The following DNAAF4 variants were observed in gnomAD, a reference collection of about 807,000 sequenced individuals.
DNAAF4 encodes the protein dynein assembly factor 4, axonemal.
DNAAF4 carries 43 observed loss-of-function variants against 51.8 expected under a neutral mutation model. That is an observed-to-expected ratio of 0.83 (90% CI 0.65 to 1.07). The LOEUF is 1.07. Ranked by LOEUF, DNAAF4 falls within the 50% of genes least tolerant of loss-of-function variation. The probability of loss-of-function intolerance (pLI) is 0.00; values close to 1 mark genes in which losing one functional copy is unlikely to be tolerated. For missense variants in DNAAF4, 581 were observed against 493.0 expected (o/e 1.18, Z -1.69); for synonymous variants, 194 against 165.6 (o/e 1.17, Z -1.32).
chr15:55,431,916 ATT>A (rs908131916), intron 9 of DNAAF4, among the ~76,000 whole-genome samples: 11 of 151,506 alleles, frequency 7.3e-5, no homozygotes, highest in African/African-American at 2.7e-4. Context: ...CACACCCAGC[ATT>A]TATCACACGT....
chr15:55,427,957 C>G (rs1013753390), downstream of DNAAF4, among the ~76,000 whole-genome samples: 69 of 150,134 alleles, frequency 4.6e-4, no homozygotes, highest in African/African-American at 1.6e-3. Context: ...ACTTCTAAAC[C>G]GTAATTTTTT....
chr15:55,419,540 T>C (rs1401778567), intron 7 of DNAAF4, among the ~76,000 whole-genome samples: 1 of 150,594 alleles, frequency 6.6e-6, no homozygotes, highest in Non-Finnish European at 1.5e-5. Context: ...GCCCAGCCAA[T>C]TTCCCACTTT....
downstream of DNAAF4, among the ~76,000 whole-genome samples, chr15:55,427,714 C>T (rs1238655390): frequency 4.6e-5 from 7 of 151,884 alleles, no homozygotes; most frequent in Admixed American, 4.6e-4. Context: ...CAGCTCACCG[C>T]AACCTCCGCC....
At chr15:55,466,843 G>A in intron 5 of DNAAF4, 87 bp downstream of exon 5, 1 of 1,490,084 alleles carries the variant, frequency 6.7e-7, no homozygotes, top group South Asian at 1.3e-5. Context: ...GTAACCTAAT[G>A]CTGTGAATAG....
intron 6 of DNAAF4, chr15:55,443,320 C>T (rs1454529316): frequency 8.5e-7 from 1 of 1,170,652 alleles, no homozygotes; most frequent in East Asian, 2.5e-5. Flanking sequence ...GCAAAGGGCC[C>T]CCAGCGTGCG....
chr15:55,428,094 C>T (rs2057448690), downstream of DNAAF4, among the ~76,000 whole-genome samples: 1 of 151,950 alleles, frequency 6.6e-6, no homozygotes, highest in Admixed American at 6.6e-5. Context: ...CTAGGGATTA[C>T]AAGCACCTGC....
intron 7 of DNAAF4, among the ~76,000 whole-genome samples, chr15:55,420,616 A>G (rs6493786): frequency 0.98 from 149,601 of 152,240 alleles, 73,552 homozygotes; most frequent in East Asian, 1. Flanking sequence ...ACTGATATTT[A>G]GTAATGGCAC....
chr15:55,501,379 T>C (rs1567037974), intron 1 of DNAAF4, among the ~76,000 whole-genome samples: 2 of 139,398 alleles, frequency 1.4e-5, no homozygotes, highest in African/African-American at 5.4e-5. Flanking sequence ...TTTCTTTCTT[T>C]TTTTTTTTTT....
intron 6 of DNAAF4, among the ~76,000 whole-genome samples, chr15:55,449,156 A>C (rs922141467): frequency 1.3e-5 from 2 of 149,540 alleles, no homozygotes; most frequent in African/African-American, 4.9e-5. Context: ...CACTGGACTA[A>C]TTTTTGTATT....
In DNAAF4 at chr15:55,476,302, T is replaced by G. The variant is rs535337867; in HGVS notation, c.406-9141A>C. Among the ~76,000 whole-genome samples the G allele has an allele frequency of 2.6e-5, 4 of 152,088 alleles. No homozygotes were observed. The South Asian group carries it at 8.3e-4, about 32-fold the overall frequency. On this transcript the variant is annotated intron_variant, in intron 4 of 9. Coordinates refer to ENST00000321149, the MANE Select transcript of DNAAF4 (RefSeq NM_130810.4). ...GAGTAACACAGAGTATCCCCATCTT[T>G]ACTAGATAGGCATGGTGGCATGTGC...
chr15:55,438,351 CAAAA>C (rs35978344), intron 7 of DNAAF4, among the ~76,000 whole-genome samples: 3 of 137,822 alleles, frequency 2.2e-5, no homozygotes, highest in Non-Finnish European at 3.1e-5. Flanking sequence ...GACTTTGTCT[CAAAA>C]AAAAAAAAAA....
chr15:55,472,626 A>C lies in DNAAF4; in HGVS notation c.406-5465T>G, dbSNP rs187302060. 1.5e-3 allele frequency among the ~76,000 whole-genome samples: 223 copies of C among 152,226 alleles called. 2 individuals are homozygous for C. The highest frequency in any genetic ancestry group is 5.2e-3 in the African/African-American group (216 of 41,548). On this transcript the variant is annotated intron_variant, in intron 4 of 9. Coordinates refer to ENST00000321149, the MANE Select transcript of DNAAF4 (RefSeq NM_130810.4). ...CAGTGAGACTTCTCAAAAAAAATAA[A>C]ATAAACAAATTGGGTTTTAGGTGTT...
intron 7 of DNAAF4, chr15:55,418,194 G>T: frequency 1.3e-6 from 2 of 1,565,258 alleles, no homozygotes; most frequent in Non-Finnish European, 1.7e-6. Flanking sequence ...CTTTATAATG[G>T]AGAATGATTT....
chr15:55,433,625 C>CAAA (rs750056970), intron 8 of DNAAF4, among the ~76,000 whole-genome samples: 2,641 of 56,534 alleles, frequency 0.047, 261 homozygotes, highest in African/African-American at 0.18. Context: ...GACCTCGTCT[C>CAAA]AAAAAAAAAA....
intron 3 of DNAAF4, among the ~76,000 whole-genome samples, chr15:55,492,696 C>A (rs778636020): frequency 1.3e-5 from 2 of 151,922 alleles, no homozygotes; most frequent in Non-Finnish European, 2.9e-5. Context: ...GGCATCACCA[C>A]GCCCACCTAA....
intron 7 of DNAAF4, among the ~76,000 whole-genome samples, chr15:55,435,933 C>T (rs750136805): frequency 6.6e-6 from 1 of 152,090 alleles, no homozygotes; most frequent in Non-Finnish European, 1.5e-5. Context: ...GGATTACAGG[C>T]ATGTACCACC....
At chr15:55,505,762 GT>G (rs1394186699) in intron 1 of DNAAF4, among the ~76,000 whole-genome samples, 1 of 150,616 alleles carries the variant, frequency 6.6e-6, no homozygotes, top group East Asian at 2.0e-4. Flanking sequence ...ACTGGGGCCT[GT>G]TGAGAGGTGG....
chr15:55,465,469 A>C (rs1249668676), intron 5 of DNAAF4, among the ~76,000 whole-genome samples: 1 of 152,056 alleles, frequency 6.6e-6, no homozygotes, highest in Admixed American at 6.6e-5. Context: ...AAAAGGAATA[A>C]AATAATGGCA....
chr15:55,498,396 C>CTGGGGTTACCA lies in DNAAF4; in HGVS notation c.-78_-68dup. 6.4e-7 allele frequency: 1 copy of CTGGGGTTACCA among 1,561,702 alleles called. No homozygotes were observed. The highest frequency in any genetic ancestry group is 1.4e-5 in the African/African-American group (1 of 72,784). On this transcript the variant is annotated 5_prime_UTR_variant, in exon 2 of 10. In the 5' UTR this introduces an upstream ATG that the reference lacks. Transcript: ENST00000321149. ...TGCGCCTGCTTGGTTGCTAGGGAAG[C>CTGGGGTTACCA]TGGGGTTACCATGCGCCAGCCCTTC...
Sources: gnomAD v4.1 joint callset for allele counts (sites outside exome capture counted in the v4.1 genomes callset) on GRCh38, gnomAD v4.1.1 for gene constraint, MANE v1.5 for transcripts, NCBI Gene and HGNC (gene_info 2026-07-23, HGNC 2026-07-21) for gene names.